Variants in CACNA1B observed in about 807,000 individuals in gnomAD.
CACNA1B encodes calcium voltage-gated channel subunit alpha1 B.
A neutral mutation model predicts 247.2 loss-of-function variants in CACNA1B; 70 were observed. That is an observed-to-expected ratio of 0.28 (90% confidence interval 0.23 to 0.35). The LOEUF (loss-of-function observed/expected upper bound fraction) is 0.35, where lower values mean the gene tolerates loss of function less well. Ranked by LOEUF, CACNA1B falls within the 10% of genes least tolerant of loss-of-function variation. The pLI, the probability that CACNA1B is intolerant of heterozygous loss-of-function variation, is 1.00. For missense variants in CACNA1B, 2,367 were observed against 3,197.4 expected, an observed-to-expected ratio of 0.74 and a Z score of 6.26; for synonymous variants, 1,231 against 1,294.4, an observed-to-expected ratio of 0.95 and a Z score of 1.05.
chr9:137,966,936 T>G (rs1958085397), intron 10 of CACNA1B, among the ~76,000 whole-genome samples: 1 of 151,174 alleles, frequency 6.6e-6, no homozygotes, highest in South Asian at 2.1e-4. Context: ...ACTATAGGTG[T>G]GCACCACCAT....
Position 138,010,172 on chromosome 9 carries a change from C to G in CACNA1B, c.2160+95C>G. On this transcript the variant is annotated intron_variant, in intron 17 of 46. Transcript: ENST00000371372. This position sits in a 1 kb window ranked among gnomAD's most constrained non-coding sequence, Gnocchi z 5.3. Reference sequence around the variant, plus strand: ...TGGGTCCTGGGTTAGGGCCTCGTGTCCAGGAGCGTTGCCTTGGGTCCTGGC... The same window carrying G: ...TGGGTCCTGGGTTAGGGCCTCGTGTGCAGGAGCGTTGCCTTGGGTCCTGGC... 1.0e-6 allele frequency: 1 copy of G among 973,934 alleles called. No individual in the cohort carries two copies. The highest frequency in any genetic ancestry group is 1.6e-5 in the African/African-American group (1 of 62,446). 60.3% of individuals were successfully genotyped at this position (973,934 alleles called of 1,614,324 possible).
At chr9:137,968,909 C>T (rs544313166) in intron 10 of CACNA1B, among the ~76,000 whole-genome samples, 6 of 152,316 alleles carry the variant, frequency 3.9e-5, no homozygotes, top group South Asian at 4.1e-4. Flanking sequence ...TAAGCTTTTT[C>T]ATTATAAAGA....
Position 137,994,501 on chromosome 9 carries a change from G to A in CACNA1B, c.1974+7647G>A, listed in dbSNP as rs1375081029. 4.6e-5 allele frequency among the ~76,000 whole-genome samples: 7 copies of A among 152,288 alleles called. No homozygotes were observed. The East Asian group carries it at 1.3e-3, about 29-fold the overall frequency. ...TAGAACTGATAAAAGAATTCAGCAA[G>A]GTTTCAAGATACAAAATTAATGTAC... On this transcript the variant is annotated intron_variant, in intron 15 of 46. Transcript: ENST00000371372.
At chr9:138,094,287 A>G (rs373110287) in intron 36 of CACNA1B, among the ~76,000 whole-genome samples, 2 of 152,106 alleles carry the variant, frequency 1.3e-5, no homozygotes, top group African/African-American at 2.4e-5. Context: ...TTATTGTTTC[A>G]TGGATACAGA....
At chr9:137,964,058 C>T (rs1475173619) in intron 10 of CACNA1B, among the ~76,000 whole-genome samples, 3 of 152,234 alleles carry the variant, frequency 2.0e-5, no homozygotes, top group Admixed American at 6.5e-5. Flanking sequence ...CTGAGAGGTC[C>T]ACTGCTAGTC....
rs1489157881 is a variant in CACNA1B at position 138,115,666 on chromosome 9, A to C, written c.5764A>C (p.Asn1922His). 6.2e-7 allele frequency: 1 copy of C among 1,613,102 alleles called. No individual in the cohort carries two copies. Among genetic ancestry groups the C allele is most frequent in the South Asian group, 1.1e-5 (1 of 90,922 alleles). ...LRQKSSTSLS[N>H]GGAIQNQESG... ...ACAGAAGAGTTCCACCTCCCTCAGC[A>C]ATGGCGGGGCCATGTGAGTATCCAG... Residue 1922 changes from asparagine (N) to histidine (H), a missense_variant, in exon 42 of 47, where the codon AAT (asparagine) becomes CAT (histidine). Physicochemically the swap from Asn to His is moderately conservative, Grantham distance 68. Around this residue, in one of 12 missense-constraint regions of CACNA1B, gnomAD observed 773 missense variants for 779.4 expected, o/e 0.99. Transcript: ENST00000371372.
rs1554752990 is a variant in CACNA1B at position 138,052,249 on chromosome 9, C to CGTGTGTGTGCGTGT, written c.3807+70_3807+71insCGTGTGTGTGTGTG. The CGTGTGTGTGCGTGT allele has an allele frequency of 5.1e-6, 4 of 779,326 alleles. No individual in the cohort carries two copies. Among genetic ancestry groups the CGTGTGTGTGCGTGT allele is most frequent in the East Asian group, 2.8e-5 (1 of 35,690 alleles). The allele number at this position is 779,326 out of a possible 1,614,324, so 48.3% of individuals were successfully genotyped here. On this transcript the variant is annotated intron_variant, in intron 25 of 46. Coordinates refer to ENST00000371372, the MANE Select transcript of CACNA1B (RefSeq NM_000718.4). The surrounding 1 kb of genome is among the most constrained non-coding windows in gnomAD (Gnocchi z 5.1). The stretch of plus-strand genomic sequence containing the variant: ...GTGTGTGTGTGCGTGTGTGTGTGTG[C>CGTGTGTGTGCGTGT]GTGTGTGTGTGTGTATGCATGCAGT...
At chr9:138,093,784 G>A (rs746393386) in intron 36 of CACNA1B, among the ~76,000 whole-genome samples, 5 of 151,948 alleles carry the variant, frequency 3.3e-5, no homozygotes, top group Admixed American at 6.6e-5. Flanking sequence ...ATAAATATTG[G>A]CAAAAATGTG....
intron 8 of CACNA1B, among the ~76,000 whole-genome samples, chr9:137,956,144 C>G (rs910462315): frequency 6.6e-6 from 1 of 152,144 alleles, no homozygotes; most frequent in African/African-American, 2.4e-5. Context: ...TCGCCCCAGG[C>G]CAGCACTCTT....
rs1957450872 is a variant in CACNA1B, at chr9:137,919,334, A to G, written c.966+1903A>G. The stretch of plus-strand genomic sequence containing the variant: ...AAACAGAAGAGGTTGAGGAGCAGGC[A>G]GTGACGAGGTACAGGGTACTGGGAG... On this transcript the variant is annotated intron_variant, in intron 6 of 46. Coordinates refer to ENST00000371372, the MANE Select transcript of CACNA1B (RefSeq NM_000718.4). This position sits in a 1 kb window ranked among gnomAD's most constrained non-coding sequence, Gnocchi z 4.6. Among the ~76,000 whole-genome samples, 2 of 152,250 alleles carry G rather than the reference A, an allele frequency of 1.3e-5. No individual in the cohort carries two copies. The highest frequency in any genetic ancestry group is 2.9e-5 in the Non-Finnish European group (2 of 68,044).
rs373140304 is a variant in CACNA1B, at chr9:138,085,692, T to C, written c.5094+7434T>C. Reference sequence around the variant, plus strand: ...CCGTTAGACTGAAAGCAGATTTCTCTGCAGAAATTTTATAGACCAGGAGAG... The same window carrying C: ...CCGTTAGACTGAAAGCAGATTTCTCCGCAGAAATTTTATAGACCAGGAGAG... On this transcript the variant is annotated intron_variant, in intron 36 of 46. Coordinates refer to ENST00000371372, the MANE Select transcript of CACNA1B (RefSeq NM_000718.4). Among the ~76,000 whole-genome samples, 7 of 151,466 alleles carry C rather than the reference T, an allele frequency of 4.6e-5. 2 individuals carry two copies. The East Asian group carries it at 1.2e-3, about 26-fold the overall frequency.
In CACNA1B at chr9:138,059,809, A is replaced by G; in HGVS notation, c.4668+72A>G. 1 of 856,972 alleles carries G rather than the reference A, an allele frequency of 1.2e-6. No homozygotes were observed. The highest frequency in any genetic ancestry group is 1.4e-5 in the South Asian group (1 of 72,654). 53.1% of individuals were successfully genotyped at this position (856,972 alleles called of 1,614,324 possible). On this transcript the variant is annotated intron_variant, in intron 31 of 46. Transcript: ENST00000371372. This position sits in a 1 kb window ranked among gnomAD's most constrained non-coding sequence, Gnocchi z 4.2. ...TTCTAGAGCCTGCTCCCCTCAGTGC[A>G]TCTCCAGGCCCTGTGTTAGCCTCTT...
intron 20 of CACNA1B, among the ~76,000 whole-genome samples, chr9:138,041,958 C>T (rs985023310): frequency 1.3e-5 from 2 of 152,082 alleles, no homozygotes; most frequent in Admixed American, 1.3e-4. Context: ...CAGGGTCTGT[C>T]ACCATCTTGC....
chr9:138,062,129 T>C (rs1488236263), intron 31 of CACNA1B, among the ~76,000 whole-genome samples: 1 of 152,198 alleles, frequency 6.6e-6, no homozygotes, highest in Non-Finnish European at 1.5e-5. Context: ...CTAGACCTTG[T>C]TCCCTCCAGG....
intron 3 of CACNA1B, among the ~76,000 whole-genome samples, chr9:137,889,356 C>T (rs1588982451): frequency 6.7e-6 from 1 of 150,226 alleles, no homozygotes; most frequent in East Asian, 1.9e-4. Flanking sequence ...CTACCAGAGT[C>T]TGGAAATGGC....
At position 138,050,007 on chromosome 9, in the gene CACNA1B, G is replaced by A. The variant is rs868377718; in HGVS notation, c.3710+692G>A. 2.3e-5 allele frequency: 27 copies of A among 1,178,812 alleles called. No homozygotes were observed. Among genetic ancestry groups the A allele is most frequent in the East Asian group, 5.7e-5 (1 of 17,450 alleles). 73.0% of individuals were successfully genotyped at this position (1,178,812 alleles called of 1,614,324 possible). A position where few individuals can be genotyped will look rare whatever the true frequency, so the allele number is the denominator to read the frequency against. On this transcript the variant is annotated intron_variant, in intron 24 of 46. Coordinates refer to ENST00000371372, the MANE Select transcript of CACNA1B (RefSeq NM_000718.4). This position sits in a 1 kb window ranked among gnomAD's most constrained non-coding sequence, Gnocchi z 5.2. ...AGGGAGGGTCCACATCTCTCTGAGC[G>A]GCTGGGAGGGCTGCTCCTGGTGCCA... is the stretch of plus-strand genomic sequence containing the variant.
rs202139605 is a variant in CACNA1B at position 138,000,127 on chromosome 9, C to T, written c.1975-6640C>T. On this transcript the variant is annotated intron_variant, in intron 15 of 46. Transcript: ENST00000371372. The stretch of plus-strand genomic sequence containing the variant: ...TTTTTTTTTTTTTTTGAGATGGAGT[C>T]TCGCTCTGTCGCCCAGGCTGGAGTG... 2.1e-4 allele frequency among the ~76,000 whole-genome samples: 30 copies of T among 144,390 alleles called. No individual in the cohort carries two copies. The East Asian group carries it at 6.0e-3, about 29-fold the overall frequency. 94.7% of individuals were successfully genotyped at this position (144,390 alleles called of 152,430 possible).
intron 31 of CACNA1B, among the ~76,000 whole-genome samples, chr9:138,065,566 G>A (rs1166681628): frequency 1.3e-5 from 2 of 152,182 alleles, no homozygotes; most frequent in East Asian, 1.9e-4. Context: ...GGCAGAGCCT[G>A]CCCTTCCTTT....
At chr9:138,075,401 C>A (rs7032692) in intron 34 of CACNA1B, among the ~76,000 whole-genome samples, 116,593 of 151,950 alleles carry the variant, frequency 0.77, 45,274 homozygotes, top group African/African-American at 0.86. Context: ...GTTAAAATGG[C>A]TAAAAAGCCC....
Sources: gnomAD v4.1 joint callset for allele counts (sites outside exome capture counted in the v4.1 genomes callset) on GRCh38, gnomAD v4.1.1 for gene constraint, gnomAD v4.1.1 regional missense constraint, Gnocchi (gnomAD v3.1) non-coding constraint, MANE v1.5 for transcripts, NCBI Gene and HGNC (gene_info 2026-07-23, HGNC 2026-07-21) for gene names.